The following CUL7 variants were observed in gnomAD, a reference collection of about 807,000 sequenced individuals.
CUL7 encodes cullin-7.
CUL7 carries 96 observed loss-of-function variants against 177.7 expected under a neutral mutation model. The ratio of observed to expected loss-of-function variants is 0.54; its 90% CI spans 0.46 to 0.64. CUL7 has a LOEUF of 0.64. Among genes scored for constraint, CUL7 ranks in the 30% least tolerant of loss-of-function variants. CUL7 has a pLI of 0.00. For missense variants in CUL7, 1,893 were observed against 2,187.9 expected (o/e 0.87, Z 2.69); for synonymous variants, 824 against 890.2 (o/e 0.93, Z 1.32).
In CUL7 at chr6:43,040,985, G is replaced by A; in HGVS notation, c.3736C>T (p.Gln1246Ter). 3 of 1,613,318 alleles carry A rather than the reference G, an allele frequency of 1.9e-6. No individual in the cohort carries two copies. Among genetic ancestry groups the A allele is most frequent in the Non-Finnish European group, 2.5e-6 (3 of 1,179,610 alleles). Residue 1246 changes from glutamine to a stop codon, truncating the protein, a stop_gained, in exon 20 of 26, where the codon CAG becomes TAG. Transcript: ENST00000265348. LOFTEE classifies it high-confidence loss of function. The surrounding 1 kb of genome is among the most constrained non-coding windows in gnomAD (Gnocchi z 4.2). ...AQEMERLAQL[Q>*]QCLQAVLIFS... ...ATCAGGACAGCTTGCAGGCATTGCT[G>A]CAGCTGTGCCAGCCTCTCCATTTCC...
intron 25 of CUL7, 78 bp downstream of exon 25, chr6:43,038,189 G>A (rs1443677652): frequency 9.0e-6 from 14 of 1,548,124 alleles, no homozygotes; most frequent in Middle Eastern, 1.7e-4. Flanking sequence ...CTCACCACAC[G>A]TGCACCCACC....
chr6:43,044,472 G>A (rs928181715), intron 16 of CUL7, among the ~76,000 whole-genome samples: 3 of 151,436 alleles, frequency 2.0e-5, no homozygotes, highest in Non-Finnish European at 2.9e-5. Context: ...GCACTCCAGC[G>A]TGGGTAACGA....
chr6:43,052,471 C>A lies in CUL7; in HGVS notation c.318G>T (p.Val106=). The change falls in exon 2 of 26, where the codon GTG becomes GTT. Residue 106 remains valine, a synonymous_variant. Transcript: ENST00000265348. This position sits in a 1 kb window ranked among gnomAD's most constrained non-coding sequence, Gnocchi z 4.5. ...TCACGTCGGTTTCCATCTCCTCCAG[C>A]ACAGATTTGTCCAGGGCCCCAACCT... ...AGEVGALDKS[V]LEEMETDVKS... The A allele has an allele frequency of 6.2e-7, 1 of 1,614,212 alleles. No individual in the cohort carries two copies.
Position 43,049,867 on chromosome 6 carries a change from C to T in CUL7, c.1569+96G>A, listed in dbSNP as rs569934861. The T allele has an allele frequency of 1.0e-5, 14 of 1,402,984 alleles. No homozygotes were observed. In the South Asian group the frequency reaches 1.6e-4, roughly 16 times the overall value. The allele number at this position is 1,402,984 out of a possible 1,614,324, so 86.9% of individuals were successfully genotyped here. On this transcript the variant is annotated intron_variant, in intron 6 of 25. Coordinates refer to ENST00000265348, the MANE Select transcript of CUL7 (RefSeq NM_014780.5). The stretch of plus-strand genomic sequence containing the variant: ...CTCTGCAGCCCCTTCCACTCTCTGA[C>T]CTCCACTTTTCATCCTGAGCCTTCC...
chr6:43,038,926 G>A lies in CUL7; in HGVS notation c.4356C>T (p.Gly1452=). Residue 1452 remains glycine, a synonymous_variant, in exon 23 of 26, where the codon GGC becomes GGT. Transcript: ENST00000265348. ...GGTTCCCAAACTGCAGCTCAGCCCA[G>A]CCCAGCCACGTCCACTGCAGTCGCC... ...SQRRLQWTWL[G]WAELQFGNQT... The A allele has an allele frequency of 6.2e-7, 1 of 1,613,852 alleles. No individual in the cohort carries two copies. The highest frequency in any genetic ancestry group is 8.5e-7 in the Non-Finnish European group (1 of 1,179,700).
chr6:43,045,953 G>A lies in CUL7; in HGVS notation c.2766+33C>T. On this transcript the variant is annotated intron_variant, in intron 13 of 25. Transcript: ENST00000265348. This position sits in a 1 kb window ranked among gnomAD's most constrained non-coding sequence, Gnocchi z 4.8. ...AGCAGGAGGGCAGATCCTGTGAGGG[G>A]TGGAGTAATGGCTAATGGCCCTGGG... 1.3e-6 allele frequency: 2 copies of A among 1,525,126 alleles called. No homozygotes were observed. Among genetic ancestry groups the A allele is most frequent in the Non-Finnish European group, 1.8e-6 (2 of 1,099,306 alleles). 94.5% of individuals were successfully genotyped at this position (1,525,126 alleles called of 1,614,324 possible).
chr6:43,045,235 CA>C lies in CUL7; in HGVS notation c.3029del (p.Leu1010ArgfsTer131). Reference protein sequence around the residue: ...MAEDRRSLLHLSSRLNGALRQ... With the variant: ...MAEDRRSLLHXSSRLNGALRQ... ...CGCACACTCTCACACACCTAGAACT[CA>C]GGTGCAGGAGGCTCCTGCGGTCCTC... On this transcript the variant is annotated frameshift_variant, in exon 15 of 26. Coordinates refer to ENST00000265348, the MANE Select transcript of CUL7 (RefSeq NM_014780.5). LOFTEE classifies it high-confidence loss of function. This position sits in a 1 kb window ranked among gnomAD's most constrained non-coding sequence, Gnocchi z 4.8. The C allele has an allele frequency of 6.2e-7, 1 of 1,614,008 alleles. No homozygotes were observed. The highest frequency in any genetic ancestry group is 8.5e-7 in the Non-Finnish European group (1 of 1,179,940).
chr6:43,041,076 C>G lies in CUL7; in HGVS notation c.3646-1G>C. 6.2e-7 allele frequency: 1 copy of G among 1,613,714 alleles called. No individual in the cohort carries two copies. The highest frequency in any genetic ancestry group is 1.7e-5 in the Admixed American group (1 of 59,976). ...TGTGCCGGGCGAACTGCTCACTCAC[C>G]TGAGCAATGGCAGAGCACAGGAAAG... On this transcript the variant is annotated splice_acceptor_variant, in intron 19 of 25. Transcript: ENST00000265348. LOFTEE classifies it high-confidence loss of function.
chr6:43,038,382 T>C lies in CUL7; in HGVS notation c.4658A>G (p.Glu1553Gly), dbSNP rs1383968783. The C allele has an allele frequency of 2.5e-6, 4 of 1,614,080 alleles. No individual in the cohort carries two copies. In the South Asian group the frequency reaches 3.3e-5, roughly 13 times the overall value. ...CTCCAAGTTCTGGCCGTCTTCACCC[T>C]CAGCTTGCAGGTACGTCTGAGGTGG... ...LIPPQTYLQA[E>G]GEDGQNLEKR... is the part of the protein sequence containing the mutation. Residue 1553 changes from glutamate (E) to glycine (G), a missense_variant, in exon 25 of 26, where the codon GAG becomes GGG. Coordinates refer to ENST00000265348, the MANE Select transcript of CUL7 (RefSeq NM_014780.5).
In CUL7 at chr6:43,047,112, G is replaced by GT; in HGVS notation, c.2170-6dup. On this transcript the variant is annotated splice_region_variant and splice_polypyrimidine_tract_variant and intron_variant, in intron 9 of 25. Transcript: ENST00000265348. ...GAAAATCAGTTCCTGGAGCACCTGG[G>GT]TGGGGACATAAGGGAGGAGATGAAT... 6.4e-7 allele frequency: 1 copy of GT among 1,567,004 alleles called. No individual in the cohort carries two copies. Among genetic ancestry groups the GT allele is most frequent in the Non-Finnish European group, 8.8e-7 (1 of 1,137,416 alleles).
In CUL7 at chr6:43,044,819, G is replaced by A; in HGVS notation, c.3105C>T (p.Ala1035=). The A allele has an allele frequency of 6.2e-7, 1 of 1,614,008 alleles. No individual in the cohort carries two copies. Among genetic ancestry groups the A allele is most frequent in the Non-Finnish European group, 8.5e-7 (1 of 1,179,884 alleles). Residue 1035 remains alanine (A), a synonymous_variant, in exon 16 of 26, where the codon GCC becomes GCT. Coordinates refer to ENST00000265348, the MANE Select transcript of CUL7 (RefSeq NM_014780.5). The part of the protein sequence containing the change: ...ADRFLPDDEA[A]QALGKTCWEA... ...CCCAGCAGGTCTTGCCCAGAGCTTG[G>A]GCAGCCTCGTCATCAGGGAGGAAGC... is the stretch of plus-strand genomic sequence containing the variant.
Position 43,045,949 on chromosome 6 carries a change from A to C in CUL7, c.2766+37T>G. The C allele has an allele frequency of 1.3e-6, 2 of 1,506,646 alleles. No individual in the cohort carries two copies. Among genetic ancestry groups the C allele is most frequent in the Non-Finnish European group, 1.8e-6 (2 of 1,082,748 alleles). The allele number at this position is 1,506,646 out of a possible 1,614,324, so 93.3% of individuals were successfully genotyped here. On this transcript the variant is annotated intron_variant, in intron 13 of 25. Coordinates refer to ENST00000265348, the MANE Select transcript of CUL7 (RefSeq NM_014780.5). The surrounding 1 kb of genome is among the most constrained non-coding windows in gnomAD (Gnocchi z 4.8). ...TAGAAGCAGGAGGGCAGATCCTGTGAGGGGTGGAGTAATGGCTAATGGCCC... is the reference window on the plus strand; with the variant it reads ...TAGAAGCAGGAGGGCAGATCCTGTGCGGGGTGGAGTAATGGCTAATGGCCC...
In CUL7 at chr6:43,039,001, G is replaced by T. The variant is rs144154816; in HGVS notation, c.4295-14C>A. ...GGTGGCTCTGACCTGGACCAGGAAGGGGGAGGGAGACAAAGAGCAGGTGAA... is the reference window on the plus strand; with the variant it reads ...GGTGGCTCTGACCTGGACCAGGAAGTGGGAGGGAGACAAAGAGCAGGTGAA... On this transcript the variant is annotated splice_polypyrimidine_tract_variant and intron_variant, in intron 22 of 25. Transcript: ENST00000265348. The T allele has an allele frequency of 0.018, 29,145 of 1,586,500 alleles. 355 individuals are homozygous for T. The highest frequency in any genetic ancestry group is 0.021 in the Non-Finnish European group (24,722 of 1,154,896).
chr6:43,051,528 T>A lies in CUL7; in HGVS notation c.733-60A>T, dbSNP rs1387039467. On this transcript the variant is annotated intron_variant, in intron 3 of 25. Coordinates refer to ENST00000265348, the MANE Select transcript of CUL7 (RefSeq NM_014780.5). The surrounding 1 kb of genome is among the most constrained non-coding windows in gnomAD (Gnocchi z 5.0). ...GTCCCAGTTTAAGCCCCTCTCTCCA[T>A]ACCATCCTCTGCAGATAGGTGCAAA... The A allele has an allele frequency of 6.2e-7, 1 of 1,613,940 alleles. No homozygotes were observed. Among genetic ancestry groups the A allele is most frequent in the Non-Finnish European group, 8.5e-7 (1 of 1,179,934 alleles).
Position 43,043,143 on chromosome 6 carries a change from A to G in CUL7, c.3393T>C (p.Ala1131=). The stretch of plus-strand genomic sequence containing the variant: ...TGATGCTGCTTGGAAGGCCCCGGGT[A>G]GCCAAGGAGCTCCAGTCGTGGCTTC... The part of the protein sequence containing the change: ...RNRSHDWSSL[A]TRGLPSSIMR... Residue 1131 remains alanine (A), a synonymous_variant, in exon 18 of 26, where the codon GCT becomes GCC. Transcript: ENST00000265348. The surrounding 1 kb of genome is among the most constrained non-coding windows in gnomAD (Gnocchi z 4.2). 5.6e-6 allele frequency: 9 copies of G among 1,614,106 alleles called. No homozygotes were observed. Among genetic ancestry groups the G allele is most frequent in the Non-Finnish European group, 7.6e-6 (9 of 1,180,028 alleles).
Position 43,040,085 on chromosome 6 carries a change from C to A in CUL7, c.4294+71G>T. On this transcript the variant is annotated intron_variant, in intron 22 of 25. Transcript: ENST00000265348. The surrounding 1 kb of genome is among the most constrained non-coding windows in gnomAD (Gnocchi z 4.2). ...CAAGCCTCCCAACATCAGGGTCTGCCCCCAACCCCAGGTCCTTTCCTAGCA... is the reference window on the plus strand; with the variant it reads ...CAAGCCTCCCAACATCAGGGTCTGCACCCAACCCCAGGTCCTTTCCTAGCA... 6.3e-7 allele frequency: 1 copy of A among 1,580,334 alleles called. No individual in the cohort carries two copies.
chr6:43,038,814 G>A lies in CUL7; in HGVS notation c.4440+28C>T, dbSNP rs1158744406. ...GAGGCAAGGGACAAAGTGGGAGACA[G>A]GAGAGAGGTGCAGCGGGGCTGGGCC... On this transcript the variant is annotated intron_variant, in intron 23 of 25. Coordinates refer to ENST00000265348, the MANE Select transcript of CUL7 (RefSeq NM_014780.5). The A allele has an allele frequency of 5.0e-6, 8 of 1,614,090 alleles. No homozygotes were observed. The Admixed American group carries it at 1.0e-4, about 20-fold the overall frequency.
At chr6:43,042,715 G>T (rs1763551667) in intron 19 of CUL7, 87 bp downstream of exon 19, 3 of 846,968 alleles carry the variant, frequency 3.5e-6, no homozygotes, top group Non-Finnish European at 6.0e-6. Context: ...CATAGAATGG[G>T]AATGGAAGGG....
chr6:43,046,765 G>C (rs1393106606), intron 10 of CUL7, 115 bp downstream of exon 10: 1 of 1,272,402 alleles, frequency 7.9e-7, no homozygotes, highest in East Asian at 2.4e-5. Flanking sequence ...AAATGCCCCA[G>C]GGTCACTAGA....
Sources: allele counts gnomAD v4.1 joint callset (sites outside exome capture counted in the v4.1 genomes callset), GRCh38; gene constraint gnomAD v4.1.1; non-coding constraint Gnocchi (gnomAD v3.1); transcripts MANE v1.5; gene names NCBI Gene and HGNC (gene_info 2026-07-23, HGNC 2026-07-21).